The following ACAA2 variants were observed in gnomAD, a reference collection of about 807,000 sequenced individuals.
ACAA2 encodes 3-ketoacyl-CoA thiolase, mitochondrial.
A neutral mutation model predicts 44.8 loss-of-function variants in ACAA2; 35 were observed. The ratio of observed to expected loss-of-function variants is 0.78; its 90% CI spans 0.60 to 1.04. The LOEUF (loss-of-function observed/expected upper bound fraction) is 1.04. Ranked by LOEUF, ACAA2 falls within the 50% of genes least tolerant of loss-of-function variation. ACAA2 has a pLI of 0.00. For synonymous variants in ACAA2, 142 were observed against 166.5 expected, an observed-to-expected ratio of 0.85 and a Z score of 1.13; for missense variants, 468 against 482.6, an observed-to-expected ratio of 0.97 and a Z score of 0.28.
At chr18:49,795,994 CT>C in intron 3 of ACAA2, 113 bp from the exon 4 acceptor site, 1 of 637,170 alleles carries the variant, frequency 1.6e-6, no homozygotes, top group Non-Finnish European at 2.7e-6. Flanking sequence ...TGTACTGTAG[CT>C]TACAGTGTCT....
At chr18:49,805,751 CT>C in intron 1 of ACAA2, among the ~76,000 whole-genome samples, 1 of 151,314 alleles carries the variant, frequency 6.6e-6, no homozygotes. Flanking sequence ...TAATTTTTAC[CT>C]TTTTTTCTTT....
rs913890788 is a variant in ACAA2 at position 49,797,711 on chromosome 18, AAGGT to A, written c.184-121_184-118del. The A allele has an allele frequency of 1.5e-4, 117 of 770,598 alleles. 1 individual carries two copies. Among genetic ancestry groups the A allele is most frequent in the South Asian group, 1.1e-3 (51 of 47,136 alleles). The allele number at this position is 770,598 out of a possible 1,614,324, so 47.7% of individuals were successfully genotyped here. The stretch of plus-strand genomic sequence containing the variant: ...CAAAAATGATAAACTATATGGCTCT[AAGGT>A]AGGACAAAATGCATCTAAGTACAGC... On this transcript the variant is annotated intron_variant, in intron 2 of 9. Coordinates refer to ENST00000285093, the MANE Select transcript of ACAA2 (RefSeq NM_006111.3).
rs79531083 is a variant in ACAA2, at chr18:49,784,957, G to A, written c.1109+240C>T. On this transcript the variant is annotated intron_variant, in intron 9 of 9. Coordinates refer to ENST00000285093, the MANE Select transcript of ACAA2 (RefSeq NM_006111.3). The stretch of plus-strand genomic sequence containing the variant: ...ACACAAGCTGAGTGGGGCACACAGT[G>A]CACAGAGACTGGACACACAGAGGAA... Among the ~76,000 whole-genome samples, 14 of 152,286 alleles carry A rather than the reference G, an allele frequency of 9.2e-5. No individual in the cohort carries two copies. In the East Asian group the frequency reaches 2.7e-3, roughly 29 times the overall value.
At chr18:49,785,986 ATTATG>A (rs1236796316) in intron 8 of ACAA2, 5 of 152,444 alleles carry the variant, frequency 3.3e-5, no homozygotes, top group African/African-American at 9.6e-5. Flanking sequence ...TGAAAAGTAT[ATTATG>A]TTATACTTAC....
At chr18:49,791,365 C>T in intron 7 of ACAA2, 105 bp downstream of exon 7, 1 of 1,037,632 alleles carries the variant, frequency 9.6e-7, no homozygotes, top group Non-Finnish European at 1.4e-6. Flanking sequence ...ATCTTCTTTT[C>T]TCTACAGGTG....
In ACAA2 at chr18:49,787,283, A is replaced by AAAAAAAAATAC; in HGVS notation, c.954+7_954+8insGTATTTTTTTT. The AAAAAAAAATAC allele has an allele frequency of 6.9e-7, 1 of 1,454,252 alleles. No individual in the cohort carries two copies. Among genetic ancestry groups the AAAAAAAAATAC allele is most frequent in the Non-Finnish European group, 9.0e-7 (1 of 1,109,784 alleles). 90.1% of individuals were successfully genotyped at this position (1,454,252 alleles called of 1,614,324 possible). ...GTTAAAAAAAAAAAAAAAAAAAAAA[A>AAAAAAAAATAC]CACTTACCTCTACCAAATCCATGTC... On this transcript the variant is annotated splice_region_variant and intron_variant, in intron 8 of 9. Coordinates refer to ENST00000285093, the MANE Select transcript of ACAA2 (RefSeq NM_006111.3).
chr18:49,801,426 A>G (rs2023546268), intron 2 of ACAA2, among the ~76,000 whole-genome samples: 2 of 152,234 alleles, frequency 1.3e-5, no homozygotes, highest in East Asian at 1.9e-4. Flanking sequence ...AGAAAACGCA[A>G]AAAACGGAAG....
Position 49,813,512 on chromosome 18 carries a change from G to A in ACAA2, c.-28C>T. Reference sequence around the variant, plus strand: ...CGGCTGCTGGGTCGTCGGCGGCGCGGGTCTGTGGTGTGGGGGACGCTGAGC... The same window carrying A: ...CGGCTGCTGGGTCGTCGGCGGCGCGAGTCTGTGGTGTGGGGGACGCTGAGC... On this transcript the variant is annotated 5_prime_UTR_variant, in exon 1 of 10. Coordinates refer to ENST00000285093, the MANE Select transcript of ACAA2 (RefSeq NM_006111.3). 1 of 1,239,336 alleles carries A rather than the reference G, an allele frequency of 8.1e-7. No individual in the cohort carries two copies. The highest frequency in any genetic ancestry group is 1.5e-5 in the African/African-American group (1 of 64,544). 76.8% of individuals were successfully genotyped at this position (1,239,336 alleles called of 1,614,324 possible).
At chr18:49,792,846 A>C (rs928616608) in intron 5 of ACAA2, among the ~76,000 whole-genome samples, 1 of 151,538 alleles carries the variant, frequency 6.6e-6, no homozygotes, top group East Asian at 1.9e-4. Context: ...TTTAAAAATT[A>C]TAGAGTCTTT....
Sources: allele counts gnomAD v4.1 joint callset (sites outside exome capture counted in the v4.1 genomes callset), GRCh38; gene constraint gnomAD v4.1.1; transcripts MANE v1.5; gene names NCBI Gene and HGNC (gene_info 2026-07-23, HGNC 2026-07-21).